The following ANKRD30B variants were observed in gnomAD, a reference collection of about 807,000 sequenced individuals.
ANKRD30B encodes the protein ankyrin repeat domain-containing protein 30B.
Under a neutral mutation model 202.2 loss-of-function variants are expected in ANKRD30B, and 144 were observed. That is an observed-to-expected ratio of 0.71 (90% confidence interval 0.62 to 0.82). The LOEUF is 0.82. Among genes scored for constraint, ANKRD30B ranks in the 40% least tolerant of loss-of-function variants. The pLI is 0.00. For synonymous variants in ANKRD30B, 508 were observed against 561.3 expected (o/e 0.91, Z 1.34); for missense variants, 1,487 against 1,669.1 (o/e 0.89, Z 1.90).
chr18:14,760,513 T>G, intron 5 of ANKRD30B, 41 bp from the exon 6 acceptor site: 1 of 1,121,048 alleles, frequency 8.9e-7, no homozygotes, highest in Non-Finnish European at 1.3e-6. Context: ...TTTTATATCT[T>G]GTTAAAATAG....
chr18:14,930,910 C>T, the ANKRD30B span, among the ~76,000 whole-genome samples: 1 of 152,210 alleles, frequency 6.6e-6, no homozygotes. Flanking sequence ...GTGCTGGCCT[C>T]ACTTTGGTGC....
the ANKRD30B span, among the ~76,000 whole-genome samples, chr18:14,921,249 G>C: frequency 6.6e-6 from 1 of 151,526 alleles, no homozygotes; most frequent in Non-Finnish European, 1.5e-5. Context: ...GTTGTGGTGG[G>C]TGTAGAGGGC....
At chr18:14,799,715 A>G (rs1245880793) in intron 22 of ANKRD30B, among the ~76,000 whole-genome samples, 1 of 151,968 alleles carries the variant, frequency 6.6e-6, no homozygotes, top group Non-Finnish European at 1.5e-5. Flanking sequence ...AAAGAAAATC[A>G]GTTTCTTGTT....
At chr18:14,817,873 T>G (rs1449147746) in intron 30 of ANKRD30B, among the ~76,000 whole-genome samples, 3 of 152,180 alleles carry the variant, frequency 2.0e-5, no homozygotes, top group Non-Finnish European at 4.4e-5. Flanking sequence ...AAGCACTTTT[T>G]TTATAAAACA....
the ANKRD30B span, among the ~76,000 whole-genome samples, chr18:14,874,297 T>A: frequency 6.6e-6 from 1 of 152,220 alleles, no homozygotes; most frequent in African/African-American, 2.4e-5. Context: ...CACCCACATT[T>A]CACGTTAATT....
intron 32 of ANKRD30B, among the ~76,000 whole-genome samples, chr18:14,825,460 T>G (rs1340648932): frequency 6.6e-6 from 1 of 152,056 alleles, no homozygotes; most frequent in Admixed American, 6.6e-5. Context: ...AAAGCAATCA[T>G]GCACCCTCGG....
chr18:14,799,332 G>T (rs1325847375), intron 22 of ANKRD30B, 37 bp downstream of exon 22: 1 of 1,473,278 alleles, frequency 6.8e-7, no homozygotes, highest in African/African-American at 1.4e-5. Context: ...CTGGAATTAA[G>T]AATATTAAAC....
the ANKRD30B span, among the ~76,000 whole-genome samples, chr18:14,870,540 G>A: frequency 6.6e-6 from 1 of 152,148 alleles, no homozygotes; most frequent in Non-Finnish European, 1.5e-5. Context: ...ACTTCCCACA[G>A]GCGTTTGGAA....
rs567311303 is a variant in ANKRD30B, at chr18:14,756,189, G to T, written c.617+1184G>T. On this transcript the variant is annotated intron_variant, in intron 4 of 43. Coordinates refer to ENST00000690538, the MANE Select transcript of ANKRD30B (RefSeq NM_001367607.2). ...GCATTTTTTCATGTGTCTTTTGGCT[G>T]CATAAATGTCTTCTTTTGAGAAGTG... 4.6e-5 allele frequency among the ~76,000 whole-genome samples: 7 copies of T among 152,304 alleles called. 1 individual carries two copies. The East Asian group carries it at 1.3e-3, about 29-fold the overall frequency.
intron 22 of ANKRD30B, among the ~76,000 whole-genome samples, chr18:14,800,319 A>T (rs1405550156): frequency 2.7e-4 from 41 of 149,268 alleles, no homozygotes; most frequent in South Asian, 1.5e-3. Flanking sequence ...TTTTTTTTTT[A>T]AATTTTGATA....
At chr18:14,852,958 A>G (rs1243010237) in intron 42 of ANKRD30B, among the ~76,000 whole-genome samples, 2 of 152,064 alleles carry the variant, frequency 1.3e-5, no homozygotes, top group Non-Finnish European at 2.9e-5. Flanking sequence ...CATTTATGTC[A>G]ATTTGACTTA....
At chr18:14,920,325 C>T in the ANKRD30B span, among the ~76,000 whole-genome samples, 26 of 152,224 alleles carry the variant, frequency 1.7e-4, no homozygotes, top group Admixed American at 1.2e-3. Context: ...GGCTTTCTCA[C>T]AAATTCCTCT....
chr18:14,790,230 CATTG>C (rs1413668663), intron 15 of ANKRD30B, among the ~76,000 whole-genome samples: 13 of 152,102 alleles, frequency 8.5e-5, no homozygotes, highest in African/African-American at 3.1e-4. Flanking sequence ...TGATTTTTTA[CATTG>C]ATTTTGTATC....
chr18:14,855,391 T>C (rs1598728180), downstream of ANKRD30B, among the ~76,000 whole-genome samples: 1 of 152,388 alleles, frequency 6.6e-6, no homozygotes, highest in East Asian at 1.9e-4. Flanking sequence ...GCCATCATCA[T>C]CATGGTCCGT....
chr18:14,776,315 T>G (rs1204184455), intron 9 of ANKRD30B, among the ~76,000 whole-genome samples: 3 of 152,202 alleles, frequency 2.0e-5, no homozygotes, highest in Admixed American at 1.3e-4. Context: ...AAAACACTTA[T>G]AAGCCACTAT....
chr18:14,940,928 A>T, the ANKRD30B span, among the ~76,000 whole-genome samples: 22 of 152,252 alleles, frequency 1.4e-4, no homozygotes, highest in East Asian at 3.5e-3. Flanking sequence ...CCCTTCTGAG[A>T]GTCCCAGGGA....
chr18:14,848,065 G>A (rs138959147), intron 39 of ANKRD30B, among the ~76,000 whole-genome samples: 2,459 of 152,168 alleles, frequency 0.016, 70 homozygotes, highest in African/African-American at 0.057. Flanking sequence ...GAGTCTGGTA[G>A]GTTCCACCTC....
intron 1 of ANKRD30B, among the ~76,000 whole-genome samples, chr18:14,749,778 CAT>C (rs1214063002): frequency 1.4e-5 from 2 of 147,374 alleles, no homozygotes; most frequent in Non-Finnish European, 3.0e-5. Flanking sequence ...AACACCCAAA[CAT>C]ATGTAAGAAT....
At chr18:14,868,699 C>T in the ANKRD30B span, among the ~76,000 whole-genome samples, 1 of 152,288 alleles carries the variant, frequency 6.6e-6, no homozygotes, top group Non-Finnish European at 1.5e-5. Context: ...AAGAGGCATC[C>T]TCCTGGACCA....
Sources: gnomAD v4.1 joint callset for allele counts (sites outside exome capture counted in the v4.1 genomes callset) on GRCh38, gnomAD v4.1.1 for gene constraint, MANE v1.5 for transcripts, NCBI Gene and HGNC (gene_info 2026-07-23, HGNC 2026-07-21) for gene names.